DAB1: variants seen among roughly 807,000 people sequenced by gnomAD.
DAB1 encodes DAB adaptor protein 1, also known as disabled homolog 1.
In DAB1, 15 loss-of-function variants were observed where a neutral mutation model predicts 64.6. That is an observed-to-expected ratio of 0.23 (90% CI 0.16 to 0.36). The LOEUF is 0.36. Ranked by LOEUF, DAB1 falls within the 10% of genes least tolerant of loss-of-function variation. DAB1 has a pLI of 1.00. For missense variants in DAB1, 596 were observed against 706.7 expected, an observed-to-expected ratio of 0.84 and a Z score of 1.78; for synonymous variants, 235 against 251.9, an observed-to-expected ratio of 0.93 and a Z score of 0.64.
chr1:57,560,931 A>G (rs116599476), intron 7 of DAB1, among the ~76,000 whole-genome samples: 1 of 152,136 alleles, frequency 6.6e-6, no homozygotes, highest in Non-Finnish European at 1.5e-5. Context: ...CGGGACATCA[A>G]ATTACCATGT....
rs988057147 is a variant in DAB1 at position 57,654,494 on chromosome 1, G to T, written n.552-4829C>A. Among the ~76,000 whole-genome samples the T allele has an allele frequency of 2.6e-5, 4 of 152,252 alleles. No individual in the cohort carries two copies. The South Asian group carries it at 8.3e-4, about 32-fold the overall frequency. On this transcript the variant is annotated intron_variant and non_coding_transcript_variant, in intron 6 of 20. Coordinates refer to the DAB1 transcript ENST00000485760. ...CTAAGATATGTGGTGGTATATAGGG[G>T]TTTGTTATAATTATGTTCTATACTA... is the stretch of plus-strand genomic sequence containing the variant.
chr1:57,812,504 C>T (rs1189352333), intron 6 of DAB1, among the ~76,000 whole-genome samples: 4 of 151,954 alleles, frequency 2.6e-5, no homozygotes. Context: ...AAGGGGAGGC[C>T]GCAGATAGAG....
At chr1:57,057,013 A>C (rs1038046325) in intron 9 of DAB1, among the ~76,000 whole-genome samples, 6 of 152,182 alleles carry the variant, frequency 3.9e-5, no homozygotes, top group Non-Finnish European at 7.3e-5. Flanking sequence ...GAGTGGAAGA[A>C]AAGGATGAAC....
chr1:57,654,054 C>T (rs969135100), intron 6 of DAB1, among the ~76,000 whole-genome samples: 3 of 152,162 alleles, frequency 2.0e-5, no homozygotes, highest in Non-Finnish European at 2.9e-5. Flanking sequence ...TGTGTTTTAG[C>T]ATGTATTTCT....
chr1:58,057,150 G>A (rs921207574), intron 5 of DAB1, among the ~76,000 whole-genome samples: 4 of 152,036 alleles, frequency 2.6e-5, no homozygotes, highest in African/African-American at 9.7e-5. Context: ...CATATTACAT[G>A]TGTAAAGTGC....
intron 7 of DAB1, among the ~76,000 whole-genome samples, chr1:57,606,649 T>TAAG (rs1406385460): frequency 1.1e-5 from 1 of 95,032 alleles, no homozygotes; most frequent in African/African-American, 5.1e-5. Flanking sequence ...ATGAAATATA[T>TAAG]ATTATGTATG....
intron 3 of DAB1, among the ~76,000 whole-genome samples, chr1:58,461,504 G>C (rs181243101): frequency 6.6e-6 from 1 of 152,310 alleles, no homozygotes; most frequent in East Asian, 1.9e-4. Flanking sequence ...GTGCTACTCA[G>C]GGATGGCCCA....
chr1:58,158,256 GTCTA>G (rs1465102431), intron 4 of DAB1, among the ~76,000 whole-genome samples: 1 of 152,156 alleles, frequency 6.6e-6, no homozygotes, highest in Non-Finnish European at 1.5e-5. Flanking sequence ...TTTACCCATT[GTCTA>G]TGTCTTATCC....
chr1:57,401,772 C>T (rs1240193097), intron 1 of DAB1, among the ~76,000 whole-genome samples: 1 of 152,100 alleles, frequency 6.6e-6, no homozygotes, highest in Non-Finnish European at 1.5e-5. Flanking sequence ...CTACTTTATC[C>T]TAGGACTCTC....
chr1:57,159,129 C>T (rs936256836), intron 2 of DAB1, among the ~76,000 whole-genome samples: 3 of 151,790 alleles, frequency 2.0e-5, no homozygotes, highest in African/African-American at 7.3e-5. Flanking sequence ...ATAGTTGGTC[C>T]TTTTTGCATT....
chr1:58,439,822 G>C lies in DAB1; in HGVS notation n.257+66238C>G, dbSNP rs528996430. ...TAAAGCATTCAAAAGAGCTGGGGGTGATTAGACCATCACTATCATTAGAAG... is the reference window on the plus strand; with the variant it reads ...TAAAGCATTCAAAAGAGCTGGGGGTCATTAGACCATCACTATCATTAGAAG... On this transcript the variant is annotated intron_variant and non_coding_transcript_variant, in intron 3 of 20. Transcript: ENST00000485760. Among the ~76,000 whole-genome samples the C allele has an allele frequency of 2.1e-4, 32 of 152,334 alleles. No individual in the cohort carries two copies. The East Asian group carries it at 5.8e-3, about 28-fold the overall frequency.
chr1:57,805,229 C>T (rs531586451), intron 6 of DAB1, among the ~76,000 whole-genome samples: 3 of 152,238 alleles, frequency 2.0e-5, no homozygotes, highest in African/African-American at 7.2e-5. Context: ...TATATCTGTC[C>T]GCAAGAGGCA....
At chr1:58,408,189 A>G (rs1398413822) in intron 3 of DAB1, among the ~76,000 whole-genome samples, 3 of 152,136 alleles carry the variant, frequency 2.0e-5, no homozygotes, top group Non-Finnish European at 4.4e-5. Context: ...CATGCTTGAG[A>G]CCCAGTGATC....
intron 7 of DAB1, among the ~76,000 whole-genome samples, chr1:57,623,132 C>T (rs1184111808): frequency 6.6e-6 from 1 of 152,104 alleles, no homozygotes; most frequent in Non-Finnish European, 1.5e-5. Context: ...GTTGGCATGC[C>T]ATCAAACGAG....
At chr1:57,818,536 A>G (rs1239075867) in intron 6 of DAB1, among the ~76,000 whole-genome samples, 1 of 152,088 alleles carries the variant, frequency 6.6e-6, no homozygotes, top group East Asian at 1.9e-4. Flanking sequence ...ATTATTATTA[A>G]TAATAGTTAC....
chr1:58,371,453 A>C (rs1404302896), intron 3 of DAB1, among the ~76,000 whole-genome samples: 1 of 152,234 alleles, frequency 6.6e-6, no homozygotes, highest in Admixed American at 6.5e-5. Flanking sequence ...TTTAAAGAAG[A>C]AGCAGAGCAG....
intron 2 of DAB1, among the ~76,000 whole-genome samples, chr1:57,274,874 G>A (rs1000434115): frequency 5.9e-5 from 8 of 136,128 alleles, no homozygotes; most frequent in African/African-American, 1.5e-4. Context: ...GAGCCACCGC[G>A]CTCAGCCAAA....
intron 5 of DAB1, among the ~76,000 whole-genome samples, chr1:57,973,713 A>C (rs549490125): frequency 6.6e-6 from 1 of 152,232 alleles, no homozygotes; most frequent in East Asian, 1.9e-4. Flanking sequence ...GTCTACCTTC[A>C]AAACATCCCC....
At chr1:57,496,650 A>G (rs541085553) in intron 7 of DAB1, among the ~76,000 whole-genome samples, 12 of 152,300 alleles carry the variant, frequency 7.9e-5, no homozygotes, top group African/African-American at 2.6e-4. Context: ...AGGACCTTTA[A>G]CCCAGTTCTC....
Sources: gnomAD v4.1 joint callset for allele counts (sites outside exome capture counted in the v4.1 genomes callset) on GRCh38, gnomAD v4.1.1 for gene constraint, MANE v1.5 for transcripts, NCBI Gene and HGNC (gene_info 2026-07-23, HGNC 2026-07-21) for gene names.